CSMD3: variants seen among roughly 807,000 people sequenced by gnomAD.
CSMD3 encodes the protein CUB and Sushi multiple domains 3.
Under a neutral mutation model 435.2 loss-of-function variants are expected in CSMD3, and 177 were observed. The observed-to-expected ratio is 0.41, with a 90% CI of 0.36 to 0.46. CSMD3 has a LOEUF of 0.46. CSMD3 is among the 20% of genes least tolerant of loss of function. The pLI is 0.34. For missense variants in CSMD3, 4,265 were observed against 4,504.6 expected (o/e 0.95, Z 1.52); for synonymous variants, 1,656 against 1,520.5 (o/e 1.09, Z -2.07).
chr8:113,154,146 A>T (rs1187903656), intron 4 of CSMD3, among the ~76,000 whole-genome samples: 3 of 152,072 alleles, frequency 2.0e-5, no homozygotes, highest in African/African-American at 7.2e-5. Flanking sequence ...TTTTATGTAC[A>T]GAGATGAGTA....
intron 4 of CSMD3, among the ~76,000 whole-genome samples, chr8:113,170,130 G>A (rs1384879168): frequency 6.6e-6 from 1 of 152,116 alleles, no homozygotes; most frequent in Non-Finnish European, 1.5e-5. Context: ...GCAATGAGTA[G>A]ATCATTACAG....
chr8:112,874,167 C>A (rs1300449867), intron 10 of CSMD3, among the ~76,000 whole-genome samples: 1 of 152,040 alleles, frequency 6.6e-6, no homozygotes, highest in African/African-American at 2.4e-5. Context: ...TTGTTATTTA[C>A]CCAGTAGTCA....
chr8:112,425,863 C>T (rs572471324), intron 32 of CSMD3, among the ~76,000 whole-genome samples: 22 of 150,878 alleles, frequency 1.5e-4, no homozygotes, highest in African/African-American at 4.9e-4. Context: ...TATTAAAGTA[C>T]CAAAAAAAAG....
At chr8:113,108,393 A>G (rs1237063812) in intron 4 of CSMD3, among the ~76,000 whole-genome samples, 1 of 150,492 alleles carries the variant, frequency 6.6e-6, no homozygotes, top group Non-Finnish European at 1.5e-5. Flanking sequence ...GCGCCACTGC[A>G]TGCCAGCCTA....
At chr8:112,324,081 G>GT (rs1384669632) in intron 45 of CSMD3, among the ~76,000 whole-genome samples, 2 of 151,844 alleles carry the variant, frequency 1.3e-5, no homozygotes, top group Admixed American at 6.6e-5. Context: ...AATTTACAGT[G>GT]TTTTTTTATG....
chr8:113,215,701 T>C (rs937315122), intron 3 of CSMD3, among the ~76,000 whole-genome samples: 3 of 152,034 alleles, frequency 2.0e-5, no homozygotes, highest in South Asian at 4.1e-4. Flanking sequence ...AACAAAAACA[T>C]ATAGCCTTGA....
chr8:112,528,285 G>A (rs1410540842), intron 27 of CSMD3, among the ~76,000 whole-genome samples: 3 of 151,666 alleles, frequency 2.0e-5, no homozygotes, highest in African/African-American at 7.3e-5. Flanking sequence ...AAAGATTGTA[G>A]GCAATTTATT....
At chr8:113,037,005 G>A (rs2087383177) in intron 5 of CSMD3, among the ~76,000 whole-genome samples, 1 of 152,076 alleles carries the variant, frequency 6.6e-6, no homozygotes, top group African/African-American at 2.4e-5. Context: ...ACTGCATACA[G>A]TTTCAGGTGC....
intron 12 of CSMD3, among the ~76,000 whole-genome samples, chr8:112,807,302 G>C (rs1270238702): frequency 6.6e-6 from 1 of 152,140 alleles, no homozygotes; most frequent in South Asian, 2.1e-4. Flanking sequence ...AGAGCCTGTG[G>C]TTTTTAGCAA....
intron 22 of CSMD3, among the ~76,000 whole-genome samples, chr8:112,626,177 C>T (rs970471960): frequency 6.6e-6 from 1 of 152,042 alleles, no homozygotes; most frequent in African/African-American, 2.4e-5. Context: ...ATAATATTTT[C>T]GTTAGGGACT....
At chr8:112,404,905 C>A (rs533468670) in intron 35 of CSMD3, among the ~76,000 whole-genome samples, 1 of 151,156 alleles carries the variant, frequency 6.6e-6, no homozygotes, top group Non-Finnish European at 1.5e-5. Flanking sequence ...CAGCTGGGTG[C>A]GGTAGATCAC....
chr8:113,229,039 C>A (rs1256384440), intron 3 of CSMD3, among the ~76,000 whole-genome samples: 1 of 151,592 alleles, frequency 6.6e-6, no homozygotes, highest in African/African-American at 2.4e-5. Context: ...CATTATTAAT[C>A]ATGTATCTCC....
chr8:113,371,181 T>A (rs1361499382), intron 1 of CSMD3, among the ~76,000 whole-genome samples: 1 of 152,100 alleles, frequency 6.6e-6, no homozygotes, highest in Non-Finnish European at 1.5e-5. Flanking sequence ...ATGAGTTGCT[T>A]ACATATTTGT....
chr8:112,636,517 A>G (rs949871739), intron 22 of CSMD3, among the ~76,000 whole-genome samples: 9 of 151,422 alleles, frequency 5.9e-5, no homozygotes, highest in Admixed American at 3.3e-4. Flanking sequence ...CTTTCTCCAT[A>G]TATCTATGTG....
chr8:113,388,661 T>C (rs2094449265), intron 1 of CSMD3, among the ~76,000 whole-genome samples: 1 of 151,592 alleles, frequency 6.6e-6, no homozygotes, highest in Non-Finnish European at 1.5e-5. Context: ...AGCTAAAAAA[T>C]TCCCATAAAA....
At chr8:112,779,177 G>T (rs1345098454) in intron 13 of CSMD3, among the ~76,000 whole-genome samples, 1 of 133,790 alleles carries the variant, frequency 7.5e-6, no homozygotes, top group Non-Finnish European at 1.6e-5. Context: ...GTGTGTGTGT[G>T]TTTGCGTGTG....
intron 13 of CSMD3, among the ~76,000 whole-genome samples, chr8:112,799,860 A>C (rs1013572436): frequency 6.6e-6 from 1 of 151,976 alleles, no homozygotes; most frequent in African/African-American, 2.4e-5. Context: ...TAAAGTACAT[A>C]AAATCACATG....
At chr8:113,095,659 A>C (rs1249474723) in intron 5 of CSMD3, among the ~76,000 whole-genome samples, 1 of 152,158 alleles carries the variant, frequency 6.6e-6, no homozygotes, top group African/African-American at 2.4e-5. Context: ...ACAGATCAAA[A>C]ATATCTGAAA....
At chr8:112,314,729 C>G in intron 47 of CSMD3, 112 bp from the exon 48 acceptor site, 2 of 759,582 alleles carry the variant, frequency 2.6e-6, no homozygotes, top group Non-Finnish European at 2.3e-6. Flanking sequence ...AAGGATGATA[C>G]GTTGAATTAT....
Sources: allele counts gnomAD v4.1 joint callset (sites outside exome capture counted in the v4.1 genomes callset), GRCh38; gene constraint gnomAD v4.1.1; transcripts MANE v1.5; gene names NCBI Gene and HGNC (gene_info 2026-07-23, HGNC 2026-07-21).